The following RFTN1 variants were observed in gnomAD, a reference collection of about 807,000 sequenced individuals.
RFTN1 encodes the protein raftlin.
RFTN1 carries 26 observed loss-of-function variants against 46.5 expected under a neutral mutation model. The observed-to-expected ratio is 0.56, with a 90% CI of 0.41 to 0.78. The LOEUF is 0.78. RFTN1 is among the 30% of genes least tolerant of loss of function. The pLI, the probability that RFTN1 is intolerant of heterozygous loss-of-function variation, is 0.00. For missense variants in RFTN1, 693 were observed against 718.7 expected, an observed-to-expected ratio of 0.96 and a Z score of 0.41; for synonymous variants, 261 against 284.2, an observed-to-expected ratio of 0.92 and a Z score of 0.82.
At chr3:16,401,167 A>G (rs544881686) in intron 4 of RFTN1, among the ~76,000 whole-genome samples, 22 of 152,222 alleles carry the variant, frequency 1.4e-4, no homozygotes, top group Non-Finnish European at 2.6e-4. Context: ...CCCTGTCTGT[A>G]ACAAAATTAG....
At position 16,385,018 on chromosome 3, in the gene RFTN1, T is replaced by C. The variant is rs1437464317; in HGVS notation, c.442-6916A>G. On this transcript the variant is annotated intron_variant, in intron 4 of 9. Transcript: ENST00000334133. This position sits in a 1 kb window ranked among gnomAD's most constrained non-coding sequence, Gnocchi z 5.0. The stretch of plus-strand genomic sequence containing the variant: ...TCCAAGACTCACATCCACATACTTA[T>C]ATACCCTAGATCAGACCACTGCCCA... 1.3e-5 allele frequency among the ~76,000 whole-genome samples: 2 copies of C among 152,174 alleles called. No homozygotes were observed. Among genetic ancestry groups the C allele is most frequent in the African/African-American group, 2.4e-5 (1 of 41,434 alleles).
chr3:16,455,202 G>C (rs1318690703), intron 2 of RFTN1, among the ~76,000 whole-genome samples: 1 of 152,236 alleles, frequency 6.6e-6, no homozygotes, highest in African/African-American at 2.4e-5. Flanking sequence ...AGTTTGTTTA[G>C]GTGGCGTGTG....
Position 16,489,098 on chromosome 3 carries a change from A to T in RFTN1, c.145+4627T>A, listed in dbSNP as rs987698181. On this transcript the variant is annotated intron_variant, in intron 2 of 9. Coordinates refer to ENST00000334133, the MANE Select transcript of RFTN1 (RefSeq NM_015150.2). This position sits in a 1 kb window ranked among gnomAD's most constrained non-coding sequence, Gnocchi z 4.0. ...AAAAGAGTACGTACTATTTGATTCCATTTATATAACATCCTGGGAAATAAA... is the reference window on the plus strand; with the variant it reads ...AAAAGAGTACGTACTATTTGATTCCTTTTATATAACATCCTGGGAAATAAA... 1.3e-5 allele frequency among the ~76,000 whole-genome samples: 2 copies of T among 152,176 alleles called. No individual in the cohort carries two copies. The highest frequency in any genetic ancestry group is 4.8e-5 in the African/African-American group (2 of 41,432).
intron 6 of RFTN1, among the ~76,000 whole-genome samples, chr3:16,359,985 G>A (rs1026482285): frequency 6.6e-6 from 1 of 151,718 alleles, no homozygotes; most frequent in Non-Finnish European, 1.5e-5. Context: ...ATAAACAAAA[G>A]GTCATCAGCA....
At chr3:16,470,187 G>T (rs1232326794) in intron 2 of RFTN1, among the ~76,000 whole-genome samples, 1 of 151,988 alleles carries the variant, frequency 6.6e-6, no homozygotes, top group Non-Finnish European at 1.5e-5. Flanking sequence ...TGCTCCTATA[G>T]ATCAAGTCTC....
At chr3:16,319,655 C>T (rs2068822558) in intron 9 of RFTN1, among the ~76,000 whole-genome samples, 1 of 152,220 alleles carries the variant, frequency 6.6e-6, no homozygotes, top group South Asian at 2.1e-4. Flanking sequence ...GGATGCCTGG[C>T]CACATCCAGT....
At chr3:16,432,053 T>C (rs2075399739) in intron 3 of RFTN1, among the ~76,000 whole-genome samples, 1 of 152,164 alleles carries the variant, frequency 6.6e-6, no homozygotes, top group African/African-American at 2.4e-5. Flanking sequence ...TTCATAGCCA[T>C]ATGATACAGA....
intron 2 of RFTN1, among the ~76,000 whole-genome samples, chr3:16,435,685 A>G (rs1199165531): frequency 1.3e-5 from 2 of 152,186 alleles, no homozygotes; most frequent in Admixed American, 1.3e-4. Flanking sequence ...TATACCATGG[A>G]GTATGCAAAC....
At chr3:16,408,762 T>C (rs556283619) in intron 4 of RFTN1, among the ~76,000 whole-genome samples, 18 of 146,950 alleles carry the variant, frequency 1.2e-4, no homozygotes, top group African/African-American at 4.5e-4. Context: ...GGTGGGGGAA[T>C]TGTCGATTAC....
At chr3:16,464,393 G>T (rs2124934030) in intron 2 of RFTN1, among the ~76,000 whole-genome samples, 1 of 152,190 alleles carries the variant, frequency 6.6e-6, no homozygotes, top group East Asian at 1.9e-4. Context: ...ACTCCTCATT[G>T]TTTCAACACT....
In RFTN1 at chr3:16,370,412, G is replaced by A. The variant is rs1241764710; in HGVS notation, c.827-133C>T. On this transcript the variant is annotated intron_variant, in intron 5 of 9. Transcript: ENST00000334133. This position sits in a 1 kb window ranked among gnomAD's most constrained non-coding sequence, Gnocchi z 5.5. Reference sequence around the variant, plus strand: ...TGAATGCTGAAATCTCTGTGAGGCTGTATTGTTGCCAGATAATAAAGCCTC... The same window carrying A: ...TGAATGCTGAAATCTCTGTGAGGCTATATTGTTGCCAGATAATAAAGCCTC... 9 of 850,704 alleles carry A rather than the reference G, an allele frequency of 1.1e-5. No individual in the cohort carries two copies. The highest frequency in any genetic ancestry group is 1.7e-5 in the Non-Finnish European group (9 of 524,608). The allele number at this position is 850,704 out of a possible 1,614,324, so 52.7% of individuals were successfully genotyped here. A position where few individuals can be genotyped will look rare whatever the true frequency, so the allele number is the denominator to read the frequency against.
chr3:16,358,062 A>C lies in RFTN1; in HGVS notation c.1031-15T>G. ...ATGTAAGGAATCTGTGGAAAAAGAA[A>C]AAGGCGGGGGTGGGGGGGGTCTGTA... On this transcript the variant is annotated splice_polypyrimidine_tract_variant and intron_variant, in intron 6 of 9. Transcript: ENST00000334133. 4 of 1,130,162 alleles carry C rather than the reference A, an allele frequency of 3.5e-6. No individual in the cohort carries two copies. Among genetic ancestry groups the C allele is most frequent in the Non-Finnish European group, 5.1e-6 (4 of 779,940 alleles). The allele number at this position is 1,130,162 out of a possible 1,614,324, so 70.0% of individuals were successfully genotyped here.
At position 16,449,865 on chromosome 3, in the gene RFTN1, G is replaced by T. The variant is rs907758640; in HGVS notation, c.146-15828C>A. On this transcript the variant is annotated intron_variant, in intron 2 of 9. Coordinates refer to ENST00000334133, the MANE Select transcript of RFTN1 (RefSeq NM_015150.2). The surrounding 1 kb of genome is among the most constrained non-coding windows in gnomAD (Gnocchi z 5.1). ...AGGGATGTGAGGAGGAAGGGGCAGGGCGTGTCTGCAATGGAACTGCAGAAG... is the reference window on the plus strand; with the variant it reads ...AGGGATGTGAGGAGGAAGGGGCAGGTCGTGTCTGCAATGGAACTGCAGAAG... Among the ~76,000 whole-genome samples, 2 of 152,284 alleles carry T rather than the reference G, an allele frequency of 1.3e-5. No homozygotes were observed. Among genetic ancestry groups the T allele is most frequent in the Admixed American group, 1.3e-4 (2 of 15,308 alleles).
intron 4 of RFTN1, 92 bp from the exon 5 acceptor site, chr3:16,378,194 C>G: frequency 8.8e-7 from 1 of 1,131,338 alleles, no homozygotes; most frequent in East Asian, 2.4e-5. Context: ...CCGAGGCCTG[C>G]GAGGCTGTTT....
At chr3:16,363,297 G>A (rs979788813) in intron 6 of RFTN1, among the ~76,000 whole-genome samples, 1 of 152,184 alleles carries the variant, frequency 6.6e-6, no homozygotes, top group Non-Finnish European at 1.5e-5. Context: ...TTATCTTAGA[G>A]TGAAGGCTCC....
Position 16,458,160 on chromosome 3 carries a change from T to C in RFTN1, c.146-24123A>G, listed in dbSNP as rs1461140389. Among the ~76,000 whole-genome samples, 1 of 152,188 alleles carries C rather than the reference T, an allele frequency of 6.6e-6. No homozygotes were observed. The highest frequency in any genetic ancestry group is 1.5e-5 in the Non-Finnish European group (1 of 68,032). The stretch of plus-strand genomic sequence containing the variant: ...GGTATTTCGTTTCAACAACACAAAA[T>C]AGACTAAGACAGACATTCTTTGAGC... On this transcript the variant is annotated intron_variant, in intron 2 of 9. Coordinates refer to ENST00000334133, the MANE Select transcript of RFTN1 (RefSeq NM_015150.2). This position sits in a 1 kb window ranked among gnomAD's most constrained non-coding sequence, Gnocchi z 5.1.
At chr3:16,412,891 G>C (rs1249332506) in intron 3 of RFTN1, among the ~76,000 whole-genome samples, 2 of 152,188 alleles carry the variant, frequency 1.3e-5, no homozygotes, top group Non-Finnish European at 2.9e-5. Context: ...ACAAGGAGAT[G>C]ATTCCTGCCA....
chr3:16,408,954 C>T (rs1340654772), intron 4 of RFTN1, among the ~76,000 whole-genome samples: 1 of 152,150 alleles, frequency 6.6e-6, no homozygotes, highest in African/African-American at 2.4e-5. Flanking sequence ...CGCAGTTTTC[C>T]CTGGTATGTT....
In RFTN1 at chr3:16,420,221, T is replaced by C. The variant is rs1028781073; in HGVS notation, c.333-10738A>G. ...AATTTCAATGCCCAGTGAGCTGGGC[T>C]GCAGAAAAGAGGAGAGCAGCCACAC... On this transcript the variant is annotated intron_variant, in intron 3 of 9. Transcript: ENST00000334133. 3.9e-5 allele frequency among the ~76,000 whole-genome samples: 6 copies of C among 152,306 alleles called. No homozygotes were observed. In the South Asian group the frequency reaches 1.2e-3, roughly 32 times the overall value.
Sources: gnomAD v4.1 joint callset for allele counts (sites outside exome capture counted in the v4.1 genomes callset) on GRCh38, gnomAD v4.1.1 for gene constraint, Gnocchi (gnomAD v3.1) non-coding constraint, MANE v1.5 for transcripts, NCBI Gene and HGNC (gene_info 2026-07-23, HGNC 2026-07-21) for gene names.